PECAM1: variants seen among roughly 807,000 people sequenced by gnomAD.
PECAM1 encodes platelet and endothelial cell adhesion molecule 1.
Under a neutral mutation model 13.8 loss-of-function variants are expected in PECAM1, and 8 were observed. The ratio of observed to expected loss-of-function variants is 0.58; its 90% CI spans 0.34 to 1.05. The LOEUF (loss-of-function observed/expected upper bound fraction) is 1.05, where lower values mean the gene tolerates loss of function less well. PECAM1 is among the 50% of genes least tolerant of loss of function. The pLI is 0.03. For missense variants in PECAM1, 304 were observed against 141.2 expected (o/e 2.15, Z -5.84); for synonymous variants, 136 against 52.6 (o/e 2.58, Z -6.86).
Position 64,356,328 on chromosome 17 carries a change from C to A in PECAM1, c.1563G>T (p.Leu521=), listed in dbSNP as rs2035845429. The change falls in exon 8 of 16, where the codon CTG becomes CTT. Residue 521 remains leucine, a synonymous_variant. Coordinates refer to ENST00000563924, the MANE Select transcript of PECAM1 (RefSeq NM_000442.5). Reference sequence around the variant, plus strand: ...CAGATCCTTCATTCACAGCACATTGCAGCACAATGTCCTCTCCAGACTCCA... The same window carrying A: ...CAGATCCTTCATTCACAGCACATTGAAGCACAATGTCCTCTCCAGACTCCA... ...KVVESGEDIV[L]QCAVNEGSGP... 2 of 474,200 alleles carry A rather than the reference C, an allele frequency of 4.2e-6. No homozygotes were observed. Among genetic ancestry groups the A allele is most frequent in the African/African-American group, 4.0e-5 (2 of 50,406 alleles). The allele number at this position is 474,200 out of a possible 1,614,324, so 29.4% of individuals were successfully genotyped here. A position where few individuals can be genotyped will look rare whatever the true frequency, so the allele number is the denominator to read the frequency against.
At chr17:64,336,810 A>C (rs1420377827) in intron 14 of PECAM1, among the ~76,000 whole-genome samples, 1 of 151,910 alleles carries the variant, frequency 6.6e-6, no homozygotes, top group Non-Finnish European at 1.5e-5. Flanking sequence ...GTTCACTGTG[A>C]TCGTGCCACT....
At chr17:64,378,623 C>A in intron 2 of PECAM1, among the ~76,000 whole-genome samples, 1 of 149,506 alleles carries the variant, frequency 6.7e-6, no homozygotes, top group Non-Finnish European at 1.5e-5. Context: ...GCCTGGGCGA[C>A]AGAGTGAGAC....
intron 13 of PECAM1, among the ~76,000 whole-genome samples, chr17:64,344,082 G>A (rs1322430054): frequency 7.9e-5 from 12 of 152,102 alleles, no homozygotes; most frequent in East Asian, 5.8e-4. Flanking sequence ...TATACCAGGC[G>A]CATGGTGGGG....
At chr17:64,340,373 A>G (rs1488556265) in intron 14 of PECAM1, among the ~76,000 whole-genome samples, 3 of 152,060 alleles carry the variant, frequency 2.0e-5, no homozygotes, top group African/African-American at 7.2e-5. Context: ...TGAGTGCTTA[A>G]TGAGCCACCA....
At chr17:64,338,782 C>T (rs1390489367) in intron 14 of PECAM1, among the ~76,000 whole-genome samples, 1 of 152,076 alleles carries the variant, frequency 6.6e-6, no homozygotes, top group Non-Finnish European at 1.5e-5. Flanking sequence ...TGGTCTCCAA[C>T]TCCTGACCTC....
chr17:64,367,859 G>A (rs919682157), intron 5 of PECAM1, among the ~76,000 whole-genome samples: 1 of 152,080 alleles, frequency 6.6e-6, no homozygotes, highest in Non-Finnish European at 1.5e-5. Context: ...AAAATACCAT[G>A]AGCCATCAAA....
intron 15 of PECAM1, among the ~76,000 whole-genome samples, chr17:64,325,222 A>G (rs140113502): frequency 0.013 from 1,980 of 151,558 alleles, 15 homozygotes; most frequent in Non-Finnish European, 0.02. Context: ...CCTTGTCTCT[A>G]CTGAAAAATA....
Position 64,328,922 on chromosome 17 carries a change from T to C in PECAM1, c.2187+778A>G, listed in dbSNP as rs187473352. 3.3e-4 allele frequency among the ~76,000 whole-genome samples: 51 copies of C among 152,308 alleles called. 1 individual carries two copies. The highest frequency in any genetic ancestry group is 1.2e-3 in the African/African-American group (49 of 41,572). On this transcript the variant is annotated intron_variant, in intron 15 of 15. Coordinates refer to ENST00000563924, the MANE Select transcript of PECAM1 (RefSeq NM_000442.5). ...TTCATAAACCCTCCCATCTGCCAAA[T>C]AGCAGATTCCTAACTCCATTTCCTA...
At position 64,357,025 on chromosome 17, in the gene PECAM1, T is replaced by C. The variant is rs991201994; in HGVS notation, c.1493-627A>G. Among the ~76,000 whole-genome samples, 1,379 of 152,184 alleles carry C rather than the reference T, an allele frequency of 9.1e-3. 18 individuals are homozygous for C. The highest frequency in any genetic ancestry group is 0.013 in the Non-Finnish European group (874 of 68,018). ...GTCCCCTGCTGATTAAATTCAGTGG[T>C]GGATGCTCTTCCTCCACGCTCCCAA... On this transcript the variant is annotated intron_variant, in intron 7 of 15. Coordinates refer to ENST00000563924, the MANE Select transcript of PECAM1 (RefSeq NM_000442.5).
In PECAM1 at chr17:64,331,734, C is replaced by T. The variant is rs1555646757; in HGVS notation, c.2165-2012G>A. Among the ~76,000 whole-genome samples the T allele has an allele frequency of 2.6e-5, 4 of 152,384 alleles. No homozygotes were observed. The South Asian group carries it at 6.2e-4, about 24-fold the overall frequency. Reference sequence around the variant, plus strand: ...AAGGACCAGGACCCCACCCAATGGTCAGTGGCCCACATGCTGGGGCAGATC... The same window carrying T: ...AAGGACCAGGACCCCACCCAATGGTTAGTGGCCCACATGCTGGGGCAGATC... On this transcript the variant is annotated intron_variant, in intron 14 of 15. Transcript: ENST00000563924.
At chr17:64,340,545 C>T (rs1404808131) in intron 14 of PECAM1, among the ~76,000 whole-genome samples, 4 of 152,026 alleles carry the variant, frequency 2.6e-5, no homozygotes, top group African/African-American at 7.2e-5. Context: ...GCTGACTTAC[C>T]TTCAGAATTT....
chr17:64,349,471 C>T (rs2035661199), intron 12 of PECAM1, among the ~76,000 whole-genome samples: 2 of 150,478 alleles, frequency 1.3e-5, no homozygotes, highest in Non-Finnish European at 3.0e-5. Context: ...ACCTGTAATC[C>T]CAGCTACTTG....
intron 2 of PECAM1, among the ~76,000 whole-genome samples, chr17:64,381,944 T>C (rs938573650): frequency 6.6e-6 from 1 of 151,930 alleles, no homozygotes; most frequent in African/African-American, 2.4e-5. Flanking sequence ...CTACTAAAAA[T>C]ACAAAATTAG....
intron 5 of PECAM1, among the ~76,000 whole-genome samples, 174 bp downstream of exon 5, chr17:64,369,576 T>C (rs1461143916): frequency 1.3e-5 from 2 of 152,146 alleles, no homozygotes; most frequent in Admixed American, 1.3e-4. Context: ...CAGTAGACTG[T>C]TAACTCGCTC....
chr17:64,350,364 G>A lies in PECAM1; in HGVS notation c.2044+16C>T, dbSNP rs2143771845. ...TAAAAGTTGGTTCTAATAAAAACAT[G>A]TAATTAGATAATTACCTTTATTATC... On this transcript the variant is annotated intron_variant, in intron 12 of 15. Coordinates refer to ENST00000563924, the MANE Select transcript of PECAM1 (RefSeq NM_000442.5). The A allele has an allele frequency of 2.4e-6, 1 of 413,926 alleles. No individual in the cohort carries two copies. Among genetic ancestry groups the A allele is most frequent in the East Asian group, 3.5e-5 (1 of 28,182 alleles). 25.6% of individuals were successfully genotyped at this position (413,926 alleles called of 1,614,324 possible).
intron 14 of PECAM1, among the ~76,000 whole-genome samples, chr17:64,332,596 C>T (rs1245272403): frequency 6.6e-6 from 1 of 152,206 alleles, no homozygotes; most frequent in East Asian, 1.9e-4. Flanking sequence ...TCCCCAGGGG[C>T]AGGGTTGGCA....
Position 64,355,046 on chromosome 17 carries a change from A to C in PECAM1, c.1781-6T>G. 1 of 475,288 alleles carries C rather than the reference A, an allele frequency of 2.1e-6. No homozygotes were observed. The highest frequency in any genetic ancestry group is 3.9e-6 in the Non-Finnish European group (1 of 259,004). The allele number at this position is 475,288 out of a possible 1,614,324, so 29.4% of individuals were successfully genotyped here. On this transcript the variant is annotated splice_region_variant and splice_polypyrimidine_tract_variant and intron_variant, in intron 8 of 15. Transcript: ENST00000563924. Reference sequence around the variant, plus strand: ...CTTCCATGGGGCAAGAATGACTGAAAACAAAACAAAACAAAAAATTTTTTT... The same window carrying C: ...CTTCCATGGGGCAAGAATGACTGAACACAAAACAAAACAAAAAATTTTTTT...
intron 7 of PECAM1, among the ~76,000 whole-genome samples, chr17:64,357,024 G>A (rs1171078432): frequency 6.6e-6 from 1 of 152,064 alleles, no homozygotes; most frequent in Non-Finnish European, 1.5e-5. Context: ...AAATTCAGTG[G>A]TGGATGCTCT....
At chr17:64,371,704 C>T (rs1407242989) in intron 4 of PECAM1, among the ~76,000 whole-genome samples, 2 of 152,068 alleles carry the variant, frequency 1.3e-5, no homozygotes, top group Non-Finnish European at 2.9e-5. Context: ...GTGGCAGCCC[C>T]CTGTAATGCC....
Sources: gnomAD v4.1 joint callset for allele counts (sites outside exome capture counted in the v4.1 genomes callset) on GRCh38, gnomAD v4.1.1 for gene constraint, MANE v1.5 for transcripts, NCBI Gene and HGNC (gene_info 2026-07-23, HGNC 2026-07-21) for gene names.